The following RABGGTA variants were observed in gnomAD, a reference collection of about 807,000 sequenced individuals.
The protein encoded by RABGGTA is Rab geranylgeranyltransferase subunit alpha, also known as geranylgeranyl transferase type-2 subunit alpha.
Under a neutral mutation model 83.3 loss-of-function variants are expected in RABGGTA, and 69 were observed. The ratio of observed to expected loss-of-function variants is 0.83; its 90% CI spans 0.68 to 1.01. The LOEUF (loss-of-function observed/expected upper bound fraction) is 1.01, where lower values mean the gene tolerates loss of function less well. Among genes scored for constraint, RABGGTA ranks in the 50% least tolerant of loss-of-function variants. RABGGTA has a pLI of 0.00. For synonymous variants in RABGGTA, 310 were observed against 299.8 expected (o/e 1.03, Z -0.35); for missense variants, 681 against 712.7 (o/e 0.96, Z 0.51).
In RABGGTA at chr14:24,269,546, G is replaced by A. The variant is rs1475198028; in HGVS notation, c.576C>T (p.His192=). 1.9e-6 allele frequency: 3 copies of A among 1,610,208 alleles called. No homozygotes were observed. Among genetic ancestry groups the A allele is most frequent in the Admixed American group, 1.7e-5 (1 of 60,020 alleles). Residue 192 remains histidine, a synonymous_variant, in exon 6 of 17, where the codon CAC becomes CAT. Transcript: ENST00000216840. The stretch of plus-strand genomic sequence containing the variant: ...CCTGTGGTCCAGAATCCGGCTGGGG[G>A]TGCAGCTGGGGCAAGAGACAGGAGC... ...HYRSCLLPQL[H]PQPDSGPQGR...
At chr14:24,266,194 G>C (rs1217205134) in intron 16 of RABGGTA, among the ~76,000 whole-genome samples, 1 of 152,200 alleles carries the variant, frequency 6.6e-6, no homozygotes, top group Non-Finnish European at 1.5e-5. Flanking sequence ...CTGAAGAACA[G>C]CTGCGGGCTG....
chr14:24,267,766 G>C lies in RABGGTA; in HGVS notation c.1247C>G (p.Pro416Arg). Residue 416 changes from proline (P) to arginine (R), a missense_variant, in exon 14 of 17, where the codon CCC becomes CGC. Physicochemically the swap from Pro to Arg is moderately radical, Grantham distance 103. Transcript: ENST00000216840. ...GTCATCCAGATACGTTGCCCGCATG[G>C]GGTCCACGGCCTGGAGTGGATGAGG... ...QYFQTLKAVDPMRATYLDDLR... is the reference protein window; with the variant it reads ...QYFQTLKAVDRMRATYLDDLR... 1 of 1,612,460 alleles carries C rather than the reference G, an allele frequency of 6.2e-7. No individual in the cohort carries two copies. Among genetic ancestry groups the C allele is most frequent in the Non-Finnish European group, 8.5e-7 (1 of 1,179,804 alleles).
At chr14:24,271,313 G>A (rs973767584) in intron 1 of RABGGTA, 144 bp from the exon 2 acceptor site, 1 of 562,358 alleles carries the variant, frequency 1.8e-6, no homozygotes, top group Non-Finnish European at 2.9e-6. Flanking sequence ...CACAAGAGGT[G>A]AGCACCCGGA....
At chr14:24,266,358 T>G in intron 16 of RABGGTA, 72 bp downstream of exon 16, 1 of 1,408,686 alleles carries the variant, frequency 7.1e-7, no homozygotes, top group East Asian at 2.3e-5. Flanking sequence ...ATACCCTGCC[T>G]GCTGTCTGTC....
In RABGGTA at chr14:24,267,674, G is replaced by T; in HGVS notation, c.1339C>A (p.His447Asn). The change falls in exon 14 of 17, where the codon CAC becomes AAC. Residue 447 changes from histidine to asparagine, a missense_variant. Transcript: ENST00000216840. ...GCAGCCCATACCTTGTGAGCCAGGT[G>T]CAGCACACGCACCTCGGCATACTCC... ...KMEYAEVRVL[H>N]LAHKDLTVLC... 1.9e-6 allele frequency: 3 copies of T among 1,611,128 alleles called. No homozygotes were observed. Among genetic ancestry groups the T allele is most frequent in the Non-Finnish European group, 2.5e-6 (3 of 1,179,450 alleles).
chr14:24,265,847 G>A, intron 16 of RABGGTA, 84 bp from the exon 17 acceptor site: 2 of 1,472,978 alleles, frequency 1.4e-6, no homozygotes, highest in Non-Finnish European at 9.0e-7. Flanking sequence ...GGGGACTGCT[G>A]CCTGGAAGTC....
chr14:24,271,564 A>G lies in RABGGTA; in HGVS notation c.-132T>C, dbSNP rs978087247. 1 of 159,000 alleles carries G rather than the reference A, an allele frequency of 6.3e-6. No homozygotes were observed. Among genetic ancestry groups the G allele is most frequent in the East Asian group, 1.8e-4 (1 of 5,590 alleles). 9.8% of individuals were successfully genotyped at this position (159,000 alleles called of 1,614,324 possible). Reference sequence around the variant, plus strand: ...CCCAGGCGCTGGCTAGAGCGGCGCCACGTCCCGGCTCATCGAAACGCAGCG... The same window carrying G: ...CCCAGGCGCTGGCTAGAGCGGCGCCGCGTCCCGGCTCATCGAAACGCAGCG... On this transcript the variant is annotated 5_prime_UTR_variant, in exon 1 of 17. Transcript: ENST00000216840.
chr14:24,270,115 C>A lies in RABGGTA; in HGVS notation c.265G>T (p.Val89Leu). The change falls in exon 5 of 17, where the codon GTG (valine) becomes TTG (leucine). Residue 89 changes from valine to leucine, a missense_variant. Physicochemically the swap from Val to Leu is conservative, Grantham distance 32. This residue lies in a region of RABGGTA where 115 missense variants were observed against 111.5 expected (regional missense o/e 1.03). Coordinates refer to ENST00000216840, the MANE Select transcript of RABGGTA (RefSeq NM_182836.3). ...QKSPEELAAL[V>L]KAELGFLESC... is the part of the protein sequence containing the mutation. ...TCCAGGAAGCCCAGTTCTGCCTTCA[C>A]CAGAGCAGCCAACTCTTCAGGAGAC... 2.5e-6 allele frequency: 4 copies of A among 1,608,184 alleles called. No individual in the cohort carries two copies. Among genetic ancestry groups the A allele is most frequent in the Non-Finnish European group, 3.4e-6 (4 of 1,177,424 alleles).
rs769991394 is a variant in RABGGTA at position 24,267,963 on chromosome 14, G to A, written c.1148-5C>T. The A allele has an allele frequency of 1.9e-6, 3 of 1,613,336 alleles. No homozygotes were observed. Among genetic ancestry groups the A allele is most frequent in the Non-Finnish European group, 2.5e-6 (3 of 1,179,540 alleles). On this transcript the variant is annotated splice_polypyrimidine_tract_variant and splice_region_variant and intron_variant, in intron 12 of 16. Coordinates refer to ENST00000216840, the MANE Select transcript of RABGGTA (RefSeq NM_182836.3). Reference sequence around the variant, plus strand: ...GGATGATGGTAAGCAGGCACCCTGAGGAGAGGGCAGGGAAAAGGAGGGTTT... The same window carrying A: ...GGATGATGGTAAGCAGGCACCCTGAAGAGAGGGCAGGGAAAAGGAGGGTTT...
intron 11 of RABGGTA, 75 bp from the exon 12 acceptor site, chr14:24,268,273 C>T: frequency 6.2e-7 from 1 of 1,607,530 alleles, no homozygotes; most frequent in African/African-American, 1.3e-5. Context: ...AGTATCTAGA[C>T]TGAAACAGCT....
At position 24,268,657 on chromosome 14, in the gene RABGGTA, C is replaced by T. The variant is rs1188979909; in HGVS notation, c.901-38G>A. On this transcript the variant is annotated intron_variant, in intron 9 of 16. Coordinates refer to ENST00000216840, the MANE Select transcript of RABGGTA (RefSeq NM_182836.3). ...GGTCAAGGAAATGCCCCAGCCTAAC[C>T]ACTTTTTTGACTGTCCCACCCAGCC... 20 of 1,611,700 alleles carry T rather than the reference C, an allele frequency of 1.2e-5. No homozygotes were observed. In the South Asian group the frequency reaches 1.3e-4, roughly 11 times the overall value.
At chr14:24,270,589 T>C (rs1335753223) in intron 3 of RABGGTA, 131 bp from the exon 4 acceptor site, 1 of 1,264,900 alleles carries the variant, frequency 7.9e-7, no homozygotes, top group Non-Finnish European at 1.1e-6. Context: ...CCATGCTTTA[T>C]GGCCTTACAG....
intron 16 of RABGGTA, 133 bp downstream of exon 16, chr14:24,266,297 T>G (rs1253007062): frequency 8.8e-6 from 7 of 796,484 alleles, no homozygotes; most frequent in Non-Finnish European, 1.5e-5. Context: ...CTCTCCCCCT[T>G]CAACTCACAC....
chr14:24,267,647 T>G lies in RABGGTA; in HGVS notation c.1353+13A>C, dbSNP rs763603496. 4.4e-6 allele frequency: 7 copies of G among 1,602,616 alleles called. No homozygotes were observed. The highest frequency in any genetic ancestry group is 1.1e-5 in the South Asian group (1 of 89,668). On this transcript the variant is annotated intron_variant, in intron 14 of 16. Transcript: ENST00000216840. Reference sequence around the variant, plus strand: ...GATGAGGGCCAGGGGAAGGCATGCATGGCAGCCCATACCTTGTGAGCCAGG... The same window carrying G: ...GATGAGGGCCAGGGGAAGGCATGCAGGGCAGCCCATACCTTGTGAGCCAGG...
At position 24,267,855 on chromosome 14, in the gene RABGGTA, G is replaced by A; in HGVS notation, c.1236+15C>T. 6.2e-7 allele frequency: 1 copy of A among 1,612,856 alleles called. No homozygotes were observed. Among genetic ancestry groups the A allele is most frequent in the Non-Finnish European group, 8.5e-7 (1 of 1,179,194 alleles). ...GCTGGGCCTCCCCCTGGTCTGTTCT[G>A]CAGACAGAACTTGCCTTGAGGGTCT... On this transcript the variant is annotated intron_variant, in intron 13 of 16. Transcript: ENST00000216840.
chr14:24,268,779 G>A lies in RABGGTA; in HGVS notation c.846C>T (p.Pro282=). 4 of 1,578,758 alleles carry A rather than the reference G, an allele frequency of 2.5e-6. No individual in the cohort carries two copies. Among genetic ancestry groups the A allele is most frequent in the Non-Finnish European group, 3.4e-6 (4 of 1,162,398 alleles). The change falls in exon 9 of 17, where the codon CCC becomes CCT. Residue 282 remains proline, a synonymous_variant. Transcript: ENST00000216840. ...EILLLMVDDS[P]LIVEWRTPDG... is the part of the protein sequence containing the mutation. The stretch of plus-strand genomic sequence containing the variant: ...CTGGGGTCCTCCACTCCACAATCAG[G>A]GGAGAATCATCAACCATGAGCAGCA...
In RABGGTA at chr14:24,268,769, C is replaced by T; in HGVS notation, c.856G>A (p.Glu286Lys). The T allele has an allele frequency of 6.3e-7, 1 of 1,581,496 alleles. No individual in the cohort carries two copies. Among genetic ancestry groups the T allele is most frequent in the Non-Finnish European group, 8.6e-7 (1 of 1,163,904 alleles). ...LMVDDSPLIV[E>K]WRTPDGRNRP... ...TTCCTGCCATCTGGGGTCCTCCACT[C>T]CACAATCAGGGGAGAATCATCAACC... The change falls in exon 9 of 17, where the codon GAG (glutamate) becomes AAG (lysine). Residue 286 changes from glutamate (E) to lysine (K), a missense_variant. Physicochemically the swap from Glu to Lys is moderately conservative, Grantham distance 56 (BLOSUM62 1). Around this residue, in one of 5 missense-constraint regions of RABGGTA, gnomAD observed 421 missense variants for 418.5 expected, o/e 1.01. Transcript: ENST00000216840.
chr14:24,266,385 C>A (rs771502740), intron 16 of RABGGTA, 45 bp downstream of exon 16: 1 of 1,577,402 alleles, frequency 6.3e-7, no homozygotes, highest in African/African-American at 1.3e-5. Flanking sequence ...CAGGGTGGCA[C>A]CTCACTTTAC....
chr14:24,267,667 G>A lies in RABGGTA; in HGVS notation c.1346C>T (p.Ala449Val), dbSNP rs2040890462. 2 of 1,610,286 alleles carry A rather than the reference G, an allele frequency of 1.2e-6. No homozygotes were observed. The highest frequency in any genetic ancestry group is 1.7e-6 in the Non-Finnish European group (2 of 1,178,978). Residue 449 changes from alanine to valine, a missense_variant, in exon 14 of 17, where the codon GCT becomes GTT. Transcript: ENST00000216840. ...ATGCATGGCAGCCCATACCTTGTGA[G>A]CCAGGTGCAGCACACGCACCTCGGC... ...EYAEVRVLHL[A>V]HKDLTVLCHL... is the part of the protein sequence containing the mutation.
Sources: allele counts gnomAD v4.1 joint callset (sites outside exome capture counted in the v4.1 genomes callset), GRCh38; gene constraint gnomAD v4.1.1; regional missense constraint gnomAD v4.1.1; transcripts MANE v1.5; gene names NCBI Gene and HGNC (gene_info 2026-07-23, HGNC 2026-07-21).